Variants in TRPC6 observed in about 807,000 individuals in gnomAD.
TRPC6 encodes short transient receptor potential channel 6.
In TRPC6, 55 loss-of-function variants were observed where a neutral mutation model predicts 90.7. The ratio of observed to expected loss-of-function variants is 0.61; its 90% CI spans 0.49 to 0.76. TRPC6 has a LOEUF of 0.76. TRPC6 is among the 30% of genes least tolerant of loss of function. TRPC6 has a pLI of 0.00. For missense variants in TRPC6, 989 were observed against 1,122.7 expected (o/e 0.88, Z 1.70); for synonymous variants, 393 against 393.0 (o/e 1.00, Z 0.00).
chr11:101,543,317 T>TA (rs1861218479), intron 1 of TRPC6, among the ~76,000 whole-genome samples: 1 of 152,052 alleles, frequency 6.6e-6, no homozygotes, highest in Non-Finnish European at 1.5e-5. Flanking sequence ...AAGTTCAACT[T>TA]ACATGTACTC....
At chr11:101,508,765 G>A (rs1860330915) in intron 1 of TRPC6, among the ~76,000 whole-genome samples, 1 of 152,098 alleles carries the variant, frequency 6.6e-6, no homozygotes, top group Non-Finnish European at 1.5e-5. Flanking sequence ...AGTACTGGGA[G>A]TGAGAACTTG....
chr11:101,493,772 A>T (rs12283329), intron 2 of TRPC6, among the ~76,000 whole-genome samples: 7,601 of 152,246 alleles, frequency 0.05, 321 homozygotes, highest in African/African-American at 0.11. Flanking sequence ...ATTTCTTTGG[A>T]AAGTTCAAGA....
intron 7 of TRPC6, 35 bp downstream of exon 7, chr11:101,473,474 C>T: frequency 6.2e-7 from 1 of 1,609,080 alleles, no homozygotes; most frequent in Middle Eastern, 1.7e-4. Flanking sequence ...ATTTAATTTG[C>T]AATAACTATC....
At position 101,483,080 on chromosome 11, in the gene TRPC6, T is replaced by G; in HGVS notation, c.1379A>C (p.Asn460Thr). Residue 460 changes from asparagine to threonine, a missense_variant, in exon 5 of 13, where the codon AAT becomes ACT. Physicochemically the swap from Asn to Thr is moderately conservative, Grantham distance 65. Transcript: ENST00000344327. ...FTIFLGLLVM[N>T]AADRFEGTKL... ...TGTGCCTTCAAATCTGTCAGCTGCA[T>G]TCATGACTAGCAGTCCCAGAAAAAT... is the stretch of plus-strand genomic sequence containing the variant. 6.2e-7 allele frequency: 1 copy of G among 1,614,124 alleles called. No individual in the cohort carries two copies. Among genetic ancestry groups the G allele is most frequent in the Non-Finnish European group, 8.5e-7 (1 of 1,179,974 alleles).
intron 1 of TRPC6, among the ~76,000 whole-genome samples, chr11:101,574,910 C>CT (rs765969635): frequency 2.5e-4 from 38 of 151,560 alleles, no homozygotes; most frequent in East Asian, 2.3e-3. Flanking sequence ...TTTGTTTTTT[C>CT]TTTTTTTTGT....
chr11:101,460,844 G>T (rs1038308563), intron 10 of TRPC6, among the ~76,000 whole-genome samples: 5 of 151,964 alleles, frequency 3.3e-5, no homozygotes, highest in Non-Finnish European at 2.9e-5. Flanking sequence ...CAACCCCAAG[G>T]GTTGCTATGA....
At chr11:101,515,774 T>A (rs1860503140) in intron 1 of TRPC6, among the ~76,000 whole-genome samples, 1 of 152,184 alleles carries the variant, frequency 6.6e-6, no homozygotes, top group Non-Finnish European at 1.5e-5. Flanking sequence ...AGTATACTAA[T>A]CATGTCAAGT....
chr11:101,558,001 T>C (rs1861596883), intron 1 of TRPC6, among the ~76,000 whole-genome samples: 1 of 152,032 alleles, frequency 6.6e-6, no homozygotes. Flanking sequence ...AAAATTCCAA[T>C]GTCATTTTTC....
chr11:101,571,310 C>T (rs948274787), intron 1 of TRPC6, among the ~76,000 whole-genome samples: 2 of 152,144 alleles, frequency 1.3e-5, no homozygotes, highest in African/African-American at 4.8e-5. Context: ...ATCCAACTTG[C>T]AAGGGATGTG....
intron 1 of TRPC6, among the ~76,000 whole-genome samples, chr11:101,575,450 G>A (rs575458938): frequency 6.6e-6 from 1 of 152,134 alleles, no homozygotes; most frequent in Non-Finnish European, 1.5e-5. Context: ...TGTAGCATTT[G>A]GCAAGTCACC....
At chr11:101,469,231 G>A (rs149173715) in intron 10 of TRPC6, among the ~76,000 whole-genome samples, 196 bp downstream of exon 10, 100 of 152,230 alleles carry the variant, frequency 6.6e-4, no homozygotes, top group Middle Eastern at 3.4e-3. Flanking sequence ...AAATGTACAT[G>A]CTATTCTTTT....
At chr11:101,550,820 T>G (rs895900693) in intron 1 of TRPC6, among the ~76,000 whole-genome samples, 1 of 151,774 alleles carries the variant, frequency 6.6e-6, no homozygotes, top group Non-Finnish European at 1.5e-5. Context: ...CATATTTATA[T>G]ATTTCATTTT....
At position 101,531,097 on chromosome 11, in the gene TRPC6, TAC is replaced by T. The variant is rs796723038; in HGVS notation, c.171-26301_171-26300del. Among the ~76,000 whole-genome samples, 61 of 152,284 alleles carry T rather than the reference TAC, an allele frequency of 4.0e-4. 1 individual carries two copies. Among genetic ancestry groups the T allele is most frequent in the African/African-American group, 1.4e-3 (57 of 41,554 alleles). On this transcript the variant is annotated intron_variant, in intron 1 of 12. Transcript: ENST00000344327. ...ATGTTGCTTAATGCATACACACACA[TAC>T]ACACACACCGGTAACAATGTGTGGT...
chr11:101,573,365 A>T (rs142689382), intron 1 of TRPC6, among the ~76,000 whole-genome samples: 1 of 152,336 alleles, frequency 6.6e-6, no homozygotes, highest in East Asian at 1.9e-4. Flanking sequence ...TATGAACCCA[A>T]ATCCTGGCTG....
At chr11:101,475,911 C>G (rs1245363322) in intron 6 of TRPC6, among the ~76,000 whole-genome samples, 1 of 148,976 alleles carries the variant, frequency 6.7e-6, no homozygotes, top group African/African-American at 2.4e-5. Flanking sequence ...TATACACACA[C>G]GTGTATATAT....
In TRPC6 at chr11:101,483,824, A is replaced by G. The variant is rs574406469; in HGVS notation, c.1294-659T>C. 3.3e-5 allele frequency among the ~76,000 whole-genome samples: 5 copies of G among 152,304 alleles called. No individual in the cohort carries two copies. The South Asian group carries it at 1.0e-3, about 32-fold the overall frequency. On this transcript the variant is annotated intron_variant, in intron 4 of 12. Coordinates refer to ENST00000344327, the MANE Select transcript of TRPC6 (RefSeq NM_004621.6). ...TCATTAGCTGAGTGACAATGAGCAC[A>G]TTTCCTAAATTATGTGAAAACCAGA...
Position 101,530,641 on chromosome 11 carries a change from C to T in TRPC6, c.171-25843G>A, listed in dbSNP as rs539311503. On this transcript the variant is annotated intron_variant, in intron 1 of 12. Transcript: ENST00000344327. The stretch of plus-strand genomic sequence containing the variant: ...ATTTTCTGCAGACCTTGAAGTGGAC[C>T]CTTGTACCAGTACCAGCCCTACTGA... Among the ~76,000 whole-genome samples, 2 of 151,384 alleles carry T rather than the reference C, an allele frequency of 1.3e-5. 1 individual carries two copies. Among genetic ancestry groups the T allele is most frequent in the South Asian group, 4.2e-4 (2 of 4,818 alleles).
intron 5 of TRPC6, among the ~76,000 whole-genome samples, chr11:101,482,594 A>T (rs1859576635): frequency 1.3e-5 from 2 of 152,224 alleles, no homozygotes; most frequent in Non-Finnish European, 2.9e-5. Context: ...TTCAATTCCT[A>T]TCAAATCTCA....
chr11:101,567,566 A>C (rs917381148), intron 1 of TRPC6, among the ~76,000 whole-genome samples: 6 of 152,186 alleles, frequency 3.9e-5, no homozygotes, highest in African/African-American at 1.4e-4. Flanking sequence ...GTGTATCCTG[A>C]CTGGGAGACA....
Sources: gnomAD v4.1 joint callset for allele counts (sites outside exome capture counted in the v4.1 genomes callset) on GRCh38, gnomAD v4.1.1 for gene constraint, MANE v1.5 for transcripts, NCBI Gene and HGNC (gene_info 2026-07-23, HGNC 2026-07-21) for gene names.